The following LRP1B variants were observed in gnomAD, a reference collection of about 807,000 sequenced individuals.
The protein encoded by LRP1B is LDL receptor related protein 1B.
A neutral mutation model predicts 556.6 loss-of-function variants in LRP1B; 217 were observed. That is an observed-to-expected ratio of 0.39 (90% CI 0.35 to 0.44). The LOEUF (loss-of-function observed/expected upper bound fraction) is 0.44, where lower values mean the gene tolerates loss of function less well. LRP1B is among the 20% of genes least tolerant of loss of function. The probability of loss-of-function intolerance (pLI) is 1.00; values close to 1 mark genes in which losing one functional copy is unlikely to be tolerated. For missense variants in LRP1B, 5,053 were observed against 5,620.8 expected, an observed-to-expected ratio of 0.90 and a Z score of 3.23; for synonymous variants, 2,047 against 1,865.8, an observed-to-expected ratio of 1.10 and a Z score of -2.50.
chr2:140,444,621 T>C lies in LRP1B; in HGVS notation c.10116A>G (p.Pro3372=). 1.2e-6 allele frequency: 2 copies of C among 1,614,028 alleles called. No homozygotes were observed. The highest frequency in any genetic ancestry group is 1.3e-5 in the African/African-American group (1 of 75,052). ...FQCGTGLCAL[P]AFICDGENDC... ...CATTCTCTCCATCACAGATGAAAGC[T>C]GGTAGAGCACAGAGTCCAGTCCCAC... The change falls in exon 64 of 91, where the codon CCA becomes CCG. Residue 3372 remains proline, a synonymous_variant. Coordinates refer to ENST00000389484, the MANE Select transcript of LRP1B (RefSeq NM_018557.3).
chr2:141,525,179 G>A (rs1684655676), intron 2 of LRP1B, among the ~76,000 whole-genome samples: 1 of 152,010 alleles, frequency 6.6e-6, no homozygotes, highest in African/African-American at 2.4e-5. Flanking sequence ...TTTAACACCT[G>A]GCACATGAGT....
At position 140,707,311 on chromosome 2, in the gene LRP1B, T is replaced by C. The variant is rs971027015; in HGVS notation, c.6024-4758A>G. 2.6e-5 allele frequency among the ~76,000 whole-genome samples: 4 copies of C among 152,134 alleles called. No homozygotes were observed. The East Asian group carries it at 7.7e-4, about 29-fold the overall frequency. On this transcript the variant is annotated intron_variant, in intron 37 of 90. Transcript: ENST00000389484. Reference sequence around the variant, plus strand: ...CAGGTAATTCTCTTATGTCGGCAGTTGGCCTTGGTCAAGAAAAGAATCGAG... The same window carrying C: ...CAGGTAATTCTCTTATGTCGGCAGTCGGCCTTGGTCAAGAAAAGAATCGAG...
chr2:140,747,183 G>A (rs929168655), intron 35 of LRP1B, among the ~76,000 whole-genome samples: 3 of 152,236 alleles, frequency 2.0e-5, no homozygotes, highest in South Asian at 4.1e-4. Flanking sequence ...CTAGGCAGGA[G>A]CAGCTCTCTC....
intron 3 of LRP1B, among the ~76,000 whole-genome samples, chr2:141,421,180 G>A (rs1680123747): frequency 6.6e-6 from 1 of 152,180 alleles, no homozygotes; most frequent in Admixed American, 6.5e-5. Flanking sequence ...CCATCTTGCT[G>A]ATATCGCTTC....
intron 27 of LRP1B, among the ~76,000 whole-genome samples, chr2:140,855,562 A>T (rs57394952): frequency 0.018 from 2,714 of 150,708 alleles, 77 homozygotes; most frequent in African/African-American, 0.062. Flanking sequence ...TCCTACTATT[A>T]ATGTTTCCCC....
rs148912739 is a variant in LRP1B, at chr2:140,418,674, C to T, written c.10414+23830G>A. Among the ~76,000 whole-genome samples the T allele has an allele frequency of 4.6e-5, 7 of 151,650 alleles. No individual in the cohort carries two copies. In the East Asian group the frequency reaches 1.4e-3, roughly 29 times the overall value. On this transcript the variant is annotated intron_variant, in intron 66 of 90. Coordinates refer to ENST00000389484, the MANE Select transcript of LRP1B (RefSeq NM_018557.3). ...TTGGGGGTCGGTGTTTCCCATCACC[C>T]CCAGATGAGATTATCTAGTTGCAGT...
intron 1 of LRP1B, among the ~76,000 whole-genome samples, chr2:141,869,027 G>A (rs1220997572): frequency 3.9e-5 from 6 of 152,042 alleles, no homozygotes; most frequent in Non-Finnish European, 7.4e-5. Flanking sequence ...TGCCCTTGAA[G>A]GAGGCAAGAA....
chr2:140,713,672 T>C (rs563295411), intron 37 of LRP1B, among the ~76,000 whole-genome samples: 1 of 152,168 alleles, frequency 6.6e-6, no homozygotes, highest in East Asian at 1.9e-4. Flanking sequence ...CCAACAATTA[T>C]ACAGACCCAA....
chr2:141,544,349 C>CTTCTTCTTCTTCTTCTTCTTCTT (rs1685444790), intron 2 of LRP1B, among the ~76,000 whole-genome samples: 1 of 85,876 alleles, frequency 1.2e-5, no homozygotes, highest in African/African-American at 4.1e-5. Flanking sequence ...TCTTCTTCTT[C>CTTCTTCTTCTTCTTCTTCTTCTT]TTCTTCTTCT....
intron 20 of LRP1B, among the ~76,000 whole-genome samples, chr2:140,932,576 A>G (rs931778449): frequency 2.0e-5 from 3 of 152,096 alleles, no homozygotes; most frequent in Middle Eastern, 3.2e-3. Context: ...AAGTATATAC[A>G]TATCAACAAT....
intron 3 of LRP1B, among the ~76,000 whole-genome samples, chr2:141,341,459 C>T (rs13416658): frequency 0.017 from 2,543 of 152,200 alleles, 38 homozygotes; most frequent in Middle Eastern, 0.027. Context: ...TCTTCTCTCC[C>T]TCTTTCCCTC....
intron 2 of LRP1B, among the ~76,000 whole-genome samples, chr2:141,672,556 T>C (rs1690712527): frequency 6.6e-6 from 1 of 152,182 alleles, no homozygotes; most frequent in South Asian, 2.1e-4. Flanking sequence ...AAGTTTGCTA[T>C]ACCTAGATTT....
At chr2:141,150,167 G>A (rs1701885479) in intron 7 of LRP1B, among the ~76,000 whole-genome samples, 1 of 152,090 alleles carries the variant, frequency 6.6e-6, no homozygotes, top group African/African-American at 2.4e-5. Context: ...TTTCCTAAGG[G>A]ACACAGACAG....
chr2:141,642,298 T>C (rs1344183950), intron 2 of LRP1B, among the ~76,000 whole-genome samples: 1 of 152,146 alleles, frequency 6.6e-6, no homozygotes, highest in African/African-American at 2.4e-5. Flanking sequence ...CATTTAAATA[T>C]GAGGGTAGCA....
At chr2:140,705,546 A>C (rs1436962622) in intron 37 of LRP1B, among the ~76,000 whole-genome samples, 147 of 117,766 alleles carry the variant, frequency 1.2e-3, no homozygotes, top group African/African-American at 4.1e-3. Flanking sequence ...AAAAAAAAAA[A>C]AAAAAAAAAA....
intron 1 of LRP1B, among the ~76,000 whole-genome samples, chr2:142,104,190 T>A (rs1331550249): frequency 1.3e-5 from 2 of 152,066 alleles, no homozygotes; most frequent in African/African-American, 4.8e-5. Context: ...GAAGTTCAAG[T>A]GCTATTCTTC....
At chr2:140,493,685 G>A (rs972084614) in intron 56 of LRP1B, among the ~76,000 whole-genome samples, 16 of 151,772 alleles carry the variant, frequency 1.1e-4, no homozygotes, top group African/African-American at 3.6e-4. Flanking sequence ...ATAATTGAAT[G>A]TGGATTTTTT....
intron 3 of LRP1B, among the ~76,000 whole-genome samples, chr2:141,443,009 C>G (rs1681043198): frequency 6.6e-6 from 1 of 152,100 alleles, no homozygotes; most frequent in African/African-American, 2.4e-5. Context: ...GACACGCTGT[C>G]TCTTCCACAA....
At chr2:141,985,499 G>T (rs766771443) in intron 1 of LRP1B, among the ~76,000 whole-genome samples, 1 of 148,016 alleles carries the variant, frequency 6.8e-6, no homozygotes, top group Non-Finnish European at 1.5e-5. Flanking sequence ...TCAAACAGAC[G>T]AGAATTTTTA....
Sources: gnomAD v4.1 joint callset for allele counts (sites outside exome capture counted in the v4.1 genomes callset) on GRCh38, gnomAD v4.1.1 for gene constraint, MANE v1.5 for transcripts, NCBI Gene and HGNC (gene_info 2026-07-23, HGNC 2026-07-21) for gene names.